ULK4: variants seen among roughly 807,000 people sequenced by gnomAD.
The protein encoded by ULK4 is inactive serine/threonine-protein kinase ULK4.
Under a neutral mutation model 160.6 loss-of-function variants are expected in ULK4, and 133 were observed. That is an observed-to-expected ratio of 0.83 (90% CI 0.72 to 0.96). ULK4 has a LOEUF of 0.96. Ranked by LOEUF, ULK4 falls within the 40% of genes least tolerant of loss-of-function variation. The pLI is 0.00. For missense variants in ULK4, 1,580 were observed against 1,499.5 expected (o/e 1.05, Z -0.89); for synonymous variants, 534 against 539.8 (o/e 0.99, Z 0.15).
intron 31 of ULK4, among the ~76,000 whole-genome samples, chr3:41,567,262 T>C (rs7635094): frequency 0.017 from 2,549 of 151,924 alleles, 80 homozygotes; most frequent in African/African-American, 0.057. Flanking sequence ...CTCACATAAA[T>C]AGACAACAAA....
chr3:41,372,844 G>A (rs1360326616), intron 35 of ULK4, among the ~76,000 whole-genome samples: 1 of 152,150 alleles, frequency 6.6e-6, no homozygotes, highest in Non-Finnish European at 1.5e-5. Flanking sequence ...GCACAGACTG[G>A]CAAATTGGAT....
At chr3:41,307,009 C>T (rs986362029) in intron 35 of ULK4, among the ~76,000 whole-genome samples, 16 of 150,898 alleles carry the variant, frequency 1.1e-4, no homozygotes, top group South Asian at 6.4e-4. Flanking sequence ...ACAAACACTG[C>T]GGAAGGCCGC....
intron 32 of ULK4, among the ~76,000 whole-genome samples, chr3:41,471,334 G>C (rs917537280): frequency 3.9e-5 from 6 of 152,072 alleles, no homozygotes; most frequent in African/African-American, 1.4e-4. Flanking sequence ...CAACATCAGA[G>C]CACCAAAATT....
chr3:41,694,636 T>G (rs1265423798), intron 27 of ULK4, among the ~76,000 whole-genome samples: 1 of 152,186 alleles, frequency 6.6e-6, no homozygotes, highest in Non-Finnish European at 1.5e-5. Flanking sequence ...TTAAGTCCCT[T>G]ATATAAAATA....
At chr3:41,860,121 A>C (rs192681884) in intron 17 of ULK4, among the ~76,000 whole-genome samples, 367 of 152,220 alleles carry the variant, frequency 2.4e-3, no homozygotes, top group African/African-American at 7.9e-3. Context: ...AATTTTTTGA[A>C]TTTTTTAAGA....
chr3:41,400,224 G>A (rs1391346875), intron 34 of ULK4, among the ~76,000 whole-genome samples: 8 of 151,858 alleles, frequency 5.3e-5, no homozygotes, highest in Non-Finnish European at 1.2e-4. Flanking sequence ...ATATCTTTTT[G>A]TGTATGTGTG....
intron 22 of ULK4, among the ~76,000 whole-genome samples, chr3:41,738,103 A>G (rs1385084355): frequency 6.6e-6 from 1 of 151,996 alleles, no homozygotes; most frequent in African/African-American, 2.4e-5. Flanking sequence ...TATCATTCCC[A>G]TTTAAACTAT....
chr3:41,796,581 C>G (rs1428917739), intron 20 of ULK4, among the ~76,000 whole-genome samples: 1 of 151,994 alleles, frequency 6.6e-6, no homozygotes, highest in Admixed American at 6.6e-5. Context: ...AACAGAGCAA[C>G]ACTCTGTCTT....
chr3:41,654,270 T>G (rs1192827467), intron 30 of ULK4, among the ~76,000 whole-genome samples: 1 of 152,162 alleles, frequency 6.6e-6, no homozygotes, highest in African/African-American at 2.4e-5. Context: ...AACAAACACA[T>G]CCAACTATCA....
At chr3:41,439,509 GCTTT>G (rs899299513) in intron 34 of ULK4, among the ~76,000 whole-genome samples, 10 of 152,124 alleles carry the variant, frequency 6.6e-5, no homozygotes, top group Non-Finnish European at 1.2e-4. Flanking sequence ...ATTTTTAACA[GCTTT>G]CTTGAGTGAT....
chr3:41,794,685 A>AAAAAAAAAAAAAAAAAAAAAAAAAAAAAC (rs1553654846), intron 20 of ULK4, among the ~76,000 whole-genome samples: 1 of 129,028 alleles, frequency 7.8e-6, no homozygotes, highest in Non-Finnish European at 1.6e-5. Context: ...AAAAAAAAAA[A>AAAAAAAAAAAAAAAAAAAAAAAAAAAAAC]ACACAGAAAA....
At chr3:41,957,903 C>G (rs1192191001) in intron 1 of ULK4, among the ~76,000 whole-genome samples, 1 of 151,664 alleles carries the variant, frequency 6.6e-6, no homozygotes, top group African/African-American at 2.4e-5. Flanking sequence ...AATTAGCCAG[C>G]AGTGGTAGCC....
chr3:41,602,392 T>G (rs1448985731), intron 31 of ULK4, among the ~76,000 whole-genome samples: 20 of 114,824 alleles, frequency 1.7e-4, no homozygotes, highest in East Asian at 4.9e-4. Flanking sequence ...GAAGGAGAAT[T>G]GGAAGGGGGA....
At chr3:41,882,552 G>A (rs977166665) in intron 17 of ULK4, among the ~76,000 whole-genome samples, 3 of 152,094 alleles carry the variant, frequency 2.0e-5, no homozygotes, top group Non-Finnish European at 4.4e-5. Flanking sequence ...TGAATCCTAA[G>A]AGAATTCATC....
intron 32 of ULK4, among the ~76,000 whole-genome samples, chr3:41,537,783 G>C (rs2086558604): frequency 6.6e-6 from 1 of 152,068 alleles, no homozygotes; most frequent in Admixed American, 6.6e-5. Context: ...AAGGCTTAGG[G>C]GTTAGCAGTT....
chr3:41,572,796 A>G (rs1004104444), intron 31 of ULK4, among the ~76,000 whole-genome samples: 1 of 152,002 alleles, frequency 6.6e-6, no homozygotes, highest in African/African-American at 2.4e-5. Context: ...ATATAACCCA[A>G]GAAGCATGAT....
chr3:41,519,456 A>C (rs1174923682), intron 32 of ULK4, among the ~76,000 whole-genome samples: 11 of 152,286 alleles, frequency 7.2e-5, no homozygotes, highest in Middle Eastern at 6.8e-3. Flanking sequence ...TTTATTTTTA[A>C]ATCTTCCACT....
chr3:41,292,973 T>C (rs2079600410), intron 35 of ULK4, among the ~76,000 whole-genome samples: 1 of 151,724 alleles, frequency 6.6e-6, no homozygotes, highest in Admixed American at 6.6e-5. Flanking sequence ...AAATAAAAAA[T>C]TAGTCAGGTG....
intron 32 of ULK4, among the ~76,000 whole-genome samples, chr3:41,498,576 C>CTT (rs56321420): frequency 3.6e-4 from 52 of 144,222 alleles, no homozygotes; most frequent in African/African-American, 1.3e-3. Context: ...TCTTTTTTTT[C>CTT]TTTTTTTTTT....
Sources: allele counts gnomAD v4.1 joint callset (sites outside exome capture counted in the v4.1 genomes callset), GRCh38; gene constraint gnomAD v4.1.1; transcripts MANE v1.5; gene names NCBI Gene and HGNC (gene_info 2026-07-23, HGNC 2026-07-21).